TOPAZ1: variants seen among roughly 807,000 people sequenced by gnomAD.
TOPAZ1 encodes the protein protein TOPAZ1.
Under a neutral mutation model 172.2 loss-of-function variants are expected in TOPAZ1, and 66 were observed. That is an observed-to-expected ratio of 0.38 (90% CI 0.31 to 0.47). The LOEUF (loss-of-function observed/expected upper bound fraction) is 0.47. Among genes scored for constraint, TOPAZ1 ranks in the 20% least tolerant of loss-of-function variants. The pLI is 0.99. For missense variants in TOPAZ1, 1,822 were observed against 1,972.4 expected, an observed-to-expected ratio of 0.92 and a Z score of 1.44; for synonymous variants, 681 against 683.9, an observed-to-expected ratio of 1.00 and a Z score of 0.07.
Position 44,245,059 on chromosome 3 carries a change from A to T in TOPAZ1, c.2553A>T (p.Pro851=). The change falls in exon 2 of 20, where the codon CCA becomes CCT. Residue 851 remains proline, a synonymous_variant. Transcript: ENST00000309765. ...AGAATTTTTCAGAGGTAGGGTTTCC[A>T]GATATTCTTAAAGCATATGAAGATG... ...ITKNFSEVGF[P]DILKAYEDDV... 1 of 1,551,708 alleles carries T rather than the reference A, an allele frequency of 6.4e-7. No individual in the cohort carries two copies. Among genetic ancestry groups the T allele is most frequent in the Non-Finnish European group, 8.7e-7 (1 of 1,146,980 alleles).
intron 15 of TOPAZ1, among the ~76,000 whole-genome samples, chr3:44,306,717 T>G (rs909044242): frequency 2.0e-5 from 3 of 152,112 alleles, no homozygotes; most frequent in Admixed American, 1.3e-4. Flanking sequence ...AAAAAATAAT[T>G]TTTATTATAA....
chr3:44,336,057 G>A (rs1269514584), downstream of TOPAZ1, among the ~76,000 whole-genome samples: 2 of 152,168 alleles, frequency 1.3e-5, no homozygotes, highest in Non-Finnish European at 2.9e-5. Flanking sequence ...GAGATACTTT[G>A]TACCCACAAT....
intron 16 of TOPAZ1, among the ~76,000 whole-genome samples, chr3:44,317,964 T>C (rs1700468522): frequency 6.6e-6 from 1 of 152,262 alleles, no homozygotes; most frequent in African/African-American, 2.4e-5. Flanking sequence ...AATAATTAGC[T>C]TACTCAGATT....
intron 6 of TOPAZ1, among the ~76,000 whole-genome samples, chr3:44,268,366 C>CTT (rs34027226): frequency 1.6e-4 from 11 of 67,484 alleles, no homozygotes; most frequent in African/African-American, 2.2e-4. Flanking sequence ...GGTGCCTATT[C>CTT]TTTTTTTTTT....
chr3:44,244,294 A>G lies in TOPAZ1; in HGVS notation c.1788A>G (p.Ile596Met), dbSNP rs1257811791. 1.3e-6 allele frequency: 2 copies of G among 1,550,854 alleles called. No individual in the cohort carries two copies. Among genetic ancestry groups the G allele is most frequent in the East Asian group, 4.9e-5 (2 of 40,906 alleles). ...KEPIIKDDKKIKSEELSRRGS... is the reference protein window; with the variant it reads ...KEPIIKDDKKMKSEELSRRGS... ...CTATAATCAAGGATGATAAAAAGAT[A>G]AAATCAGAGGAACTGAGCAGAAGAG... The change falls in exon 2 of 20, where the codon ATA (isoleucine) becomes ATG (methionine). Residue 596 changes from isoleucine (I) to methionine (M), a missense_variant. Transcript: ENST00000309765.
At chr3:44,322,988 G>A in intron 17 of TOPAZ1, 104 bp from the exon 18 acceptor site, 1 of 690,438 alleles carries the variant, frequency 1.4e-6, no homozygotes, top group Non-Finnish European at 2.4e-6. Flanking sequence ...TCCTATAATG[G>A]GTAAGAAAGG....
At chr3:44,257,355 GTGTGTGTGTGT>G (rs1559527672) in intron 4 of TOPAZ1, among the ~76,000 whole-genome samples, 419 of 29,646 alleles carry the variant, frequency 0.014, 3 homozygotes, top group Middle Eastern at 0.071. Context: ...ACATAGGGGT[GTGTGTGTGTGT>G]GTGTGTGTGT....
downstream of TOPAZ1, among the ~76,000 whole-genome samples, chr3:44,333,770 T>C (rs1014065404): frequency 1.3e-5 from 2 of 152,188 alleles, no homozygotes; most frequent in Non-Finnish European, 2.9e-5. Flanking sequence ...ACAAAAAGTG[T>C]TGGCTCTCGG....
intron 8 of TOPAZ1, among the ~76,000 whole-genome samples, chr3:44,281,729 T>C (rs1204734684): frequency 2.0e-5 from 3 of 152,216 alleles, no homozygotes; most frequent in Admixed American, 6.5e-5. Context: ...TTCTAATACA[T>C]TGGTCAATGT....
intron 5 of TOPAZ1, among the ~76,000 whole-genome samples, chr3:44,265,925 T>C (rs912480217): frequency 1.3e-5 from 2 of 152,370 alleles, no homozygotes; most frequent in East Asian, 1.9e-4. Flanking sequence ...AAGTCCTAGA[T>C]GGTATCTTCT....
At chr3:44,259,785 T>C (rs536886421) in intron 4 of TOPAZ1, among the ~76,000 whole-genome samples, 23 of 152,348 alleles carry the variant, frequency 1.5e-4, no homozygotes, top group Admixed American at 9.8e-4. Context: ...TAAATGACTT[T>C]ATTTTAGTTT....
At chr3:44,284,931 G>T (rs1196736461) in intron 9 of TOPAZ1, among the ~76,000 whole-genome samples, 1 of 152,098 alleles carries the variant, frequency 6.6e-6, no homozygotes, top group Non-Finnish European at 1.5e-5. Context: ...CAATATTTTA[G>T]ATTTACCACT....
intron 2 of TOPAZ1, among the ~76,000 whole-genome samples, chr3:44,251,216 G>A (rs555005974): frequency 2.0e-5 from 3 of 152,018 alleles, no homozygotes; most frequent in Non-Finnish European, 4.4e-5. Context: ...TACCTACCAG[G>A]CTCAAACGAT....
intron 11 of TOPAZ1, 116 bp downstream of exon 11, chr3:44,287,955 C>A: frequency 1.6e-6 from 1 of 612,578 alleles, no homozygotes; most frequent in South Asian, 2.0e-5. Context: ...CCAAAGAATT[C>A]TATTTCCAGA....
downstream of TOPAZ1, among the ~76,000 whole-genome samples, chr3:44,333,718 G>A (rs2125709182): frequency 2.0e-5 from 3 of 152,314 alleles, no homozygotes; most frequent in South Asian, 6.2e-4. Context: ...AGATGGGAAA[G>A]GAGTGTTAAT....
chr3:44,329,863 C>G (rs1700645336), intron 19 of TOPAZ1, among the ~76,000 whole-genome samples: 1 of 152,164 alleles, frequency 6.6e-6, no homozygotes, highest in African/African-American at 2.4e-5. Flanking sequence ...TCTCCATCAT[C>G]TAAGACTGTG....
At position 44,242,345 on chromosome 3, in the gene TOPAZ1, C is replaced by T; in HGVS notation, c.292C>T (p.Arg98Ter). The change falls in exon 1 of 20, where the codon CGA becomes TGA. Residue 98 changes from arginine to a stop codon, truncating the protein, a stop_gained. Transcript: ENST00000309765. LOFTEE classifies it high-confidence loss of function. ...PVSPSDSSDP[R>*]GLEAAKEAEL... Reference sequence around the variant, plus strand: ...GAGCCCGTCAGACTCGTCAGACCCGCGAGGCCTAGAAGCAGCAAAGGAGGC... The same window carrying T: ...GAGCCCGTCAGACTCGTCAGACCCGTGAGGCCTAGAAGCAGCAAAGGAGGC... The T allele has an allele frequency of 6.4e-7, 1 of 1,551,362 alleles. No homozygotes were observed. Among genetic ancestry groups the T allele is most frequent in the Non-Finnish European group, 8.7e-7 (1 of 1,147,070 alleles).
chr3:44,323,399 A>G lies in TOPAZ1; in HGVS notation c.4675+104A>G, dbSNP rs758487111. On this transcript the variant is annotated intron_variant, in intron 18 of 19. Coordinates refer to ENST00000309765, the MANE Select transcript of TOPAZ1 (RefSeq NM_001145030.2). ...AGATATTTATATGTATTAAAAGAGC[A>G]GTAATACATATTCAAATGTAGTGGT... 12 of 648,344 alleles carry G rather than the reference A, an allele frequency of 1.9e-5. No individual in the cohort carries two copies. The Admixed American group carries it at 4.1e-4, about 22-fold the overall frequency. The allele number at this position is 648,344 out of a possible 1,614,324, so 40.2% of individuals were successfully genotyped here.
intron 16 of TOPAZ1, among the ~76,000 whole-genome samples, 192 bp downstream of exon 16, chr3:44,310,182 A>G (rs561227864): frequency 6.6e-6 from 1 of 152,316 alleles, no homozygotes; most frequent in African/African-American, 2.4e-5. Flanking sequence ...AAGAAATTAT[A>G]TAAGCCTTTG....
Sources: allele counts gnomAD v4.1 joint callset (sites outside exome capture counted in the v4.1 genomes callset), GRCh38; gene constraint gnomAD v4.1.1; transcripts MANE v1.5; gene names NCBI Gene and HGNC (gene_info 2026-07-23, HGNC 2026-07-21).